The following CSTPP1 variants were observed in gnomAD, a reference collection of about 807,000 sequenced individuals.
The protein encoded by CSTPP1 is centriolar satellite-associated tubulin polyglutamylase complex regulator 1.
chr11:46,998,123 T>G, the CSTPP1 span, among the ~76,000 whole-genome samples: 2 of 152,248 alleles, frequency 1.3e-5, no homozygotes, highest in Non-Finnish European at 2.9e-5. Context: ...GTCTTCTGCG[T>G]CGCTCACGCT....
the CSTPP1 span, among the ~76,000 whole-genome samples, chr11:46,969,094 C>T: frequency 3.3e-5 from 5 of 152,104 alleles, no homozygotes; most frequent in Admixed American, 2.6e-4. Context: ...CAGATCTGAA[C>T]ATTTTTTTTA....
At chr11:47,136,434 G>A in the CSTPP1 span, among the ~76,000 whole-genome samples, 2 of 152,142 alleles carry the variant, frequency 1.3e-5, no homozygotes, top group Non-Finnish European at 1.5e-5. Context: ...CTATATTGAC[G>A]CTGAGTCTGT....
At chr11:47,070,752 A>C in the CSTPP1 span, among the ~76,000 whole-genome samples, 2 of 152,154 alleles carry the variant, frequency 1.3e-5, no homozygotes, top group African/African-American at 4.8e-5. Context: ...TGGAAATGTA[A>C]TTCTCTGAAG....
the CSTPP1 span, among the ~76,000 whole-genome samples, chr11:46,960,871 A>AG: frequency 8.2e-4 from 125 of 152,272 alleles, no homozygotes; most frequent in Admixed American, 1.8e-3. Flanking sequence ...GAAAAAAAAA[A>AG]AGATTCATCA....
chr11:47,159,588 T>C, the CSTPP1 span: 2 of 455,932 alleles, frequency 4.4e-6, no homozygotes, highest in Non-Finnish European at 8.8e-6. Flanking sequence ...GCCCTGGTGT[T>C]CTTTCATACT....
the CSTPP1 span, among the ~76,000 whole-genome samples, chr11:47,099,947 C>T: frequency 6.6e-6 from 1 of 152,164 alleles, no homozygotes; most frequent in African/African-American, 2.4e-5. Context: ...ATAGGACTCT[C>T]TTTCTCTCCT....
chr11:47,143,416 C>G, the CSTPP1 span, among the ~76,000 whole-genome samples: 2 of 152,174 alleles, frequency 1.3e-5, no homozygotes, highest in African/African-American at 4.8e-5. Context: ...CAGAAGCAGG[C>G]TCCAGTCTGT....
the CSTPP1 span, among the ~76,000 whole-genome samples, chr11:46,994,272 C>T: frequency 1.3e-5 from 2 of 152,092 alleles, no homozygotes; most frequent in Non-Finnish European, 2.9e-5. Context: ...CCTTTATTTC[C>T]TTCTCCTGCC....
the CSTPP1 span, among the ~76,000 whole-genome samples, chr11:47,031,850 G>T: frequency 1.3e-5 from 2 of 151,978 alleles, no homozygotes; most frequent in Non-Finnish European, 2.9e-5. Flanking sequence ...CAATCACAAG[G>T]TCCCACAATA....
the CSTPP1 span, chr11:47,162,380 C>T: frequency 5.1e-6 from 2 of 394,062 alleles, no homozygotes; most frequent in Non-Finnish European, 6.9e-6. Flanking sequence ...AGACAACGAG[C>T]AGAGGGGCCT....
the CSTPP1 span, among the ~76,000 whole-genome samples, chr11:47,105,444 T>TG: frequency 6.6e-6 from 1 of 152,124 alleles, no homozygotes; most frequent in Non-Finnish European, 1.5e-5. Flanking sequence ...GAGGCCACGG[T>TG]GAGCCATGAT....
chr11:46,939,925 C>T, the CSTPP1 span, among the ~76,000 whole-genome samples: 2 of 152,106 alleles, frequency 1.3e-5, no homozygotes, highest in Non-Finnish European at 2.9e-5. Context: ...GGCTGGAGTG[C>T]AGTGGCACCA....
chr11:46,986,723 C>T, the CSTPP1 span, among the ~76,000 whole-genome samples: 1 of 152,216 alleles, frequency 6.6e-6, no homozygotes, highest in Admixed American at 6.5e-5. Context: ...CCGCCTCAGC[C>T]TCCCAAAATG....
chr11:47,052,213 G>A, the CSTPP1 span: 3 of 729,746 alleles, frequency 4.1e-6, no homozygotes, highest in Non-Finnish European at 6.2e-6. Flanking sequence ...GAAAGGTATG[G>A]TTATATGAAG....
chr11:47,129,665 C>A, the CSTPP1 span, among the ~76,000 whole-genome samples: 1 of 152,112 alleles, frequency 6.6e-6, no homozygotes, highest in Non-Finnish European at 1.5e-5. Flanking sequence ...GTTTAAGCCA[C>A]CAGTGGTGGT....
chr11:47,151,569 T>A, the CSTPP1 span, among the ~76,000 whole-genome samples: 2 of 128,366 alleles, frequency 1.6e-5, no homozygotes, highest in Admixed American at 1.8e-4. Context: ...ACTTGGTGAC[T>A]GGTTGATTGG....
At chr11:47,164,094 G>A in the CSTPP1 span, 1 of 1,608,988 alleles carries the variant, frequency 6.2e-7, no homozygotes, top group Non-Finnish European at 8.5e-7. Context: ...GTGCCACAGG[G>A]TGGTGAGGTC....
chr11:47,136,614 C>T, the CSTPP1 span, among the ~76,000 whole-genome samples: 1 of 152,230 alleles, frequency 6.6e-6, no homozygotes, highest in South Asian at 2.1e-4. Context: ...ATCTGGATTC[C>T]TGTGGCTTGG....
At chr11:47,031,404 C>G in the CSTPP1 span, among the ~76,000 whole-genome samples, 416 of 152,208 alleles carry the variant, frequency 2.7e-3, 2 homozygotes, top group African/African-American at 9.3e-3. Flanking sequence ...GAGAAAACTG[C>G]CCTAGAGCTG....
Sources: allele counts gnomAD v4.1 joint callset (sites outside exome capture counted in the v4.1 genomes callset), GRCh38; gene constraint gnomAD v4.1.1; transcripts MANE v1.5; gene names NCBI Gene and HGNC (gene_info 2026-07-23, HGNC 2026-07-21).